The following ATG10 variants were observed in gnomAD, a reference collection of about 807,000 sequenced individuals.
ATG10 encodes the protein ubiquitin-like-conjugating enzyme ATG10.
Under a neutral mutation model 32.1 loss-of-function variants are expected in ATG10, and 30 were observed. The ratio of observed to expected loss-of-function variants is 0.94; its 90% CI spans 0.70 to 1.27. The LOEUF (loss-of-function observed/expected upper bound fraction) is 1.27. ATG10 is among the 50% of genes most tolerant of loss of function. The pLI, the probability that ATG10 is intolerant of heterozygous loss-of-function variation, is 0.00. For synonymous variants in ATG10, 87 were observed against 91.5 expected, an observed-to-expected ratio of 0.95 and a Z score of 0.28; for missense variants, 233 against 262.3, an observed-to-expected ratio of 0.89 and a Z score of 0.77.
chr5:82,209,656 A>G (rs1745424476), intron 5 of ATG10, among the ~76,000 whole-genome samples: 2 of 152,200 alleles, frequency 1.3e-5, no homozygotes, highest in Non-Finnish European at 2.9e-5. Context: ...ATGTGTCTGC[A>G]TATTATGTAG....
intron 5 of ATG10, among the ~76,000 whole-genome samples, chr5:82,226,823 T>A (rs1746152332): frequency 6.6e-6 from 1 of 152,204 alleles, no homozygotes; most frequent in Admixed American, 6.5e-5. Context: ...TATAAACTTA[T>A]GACGCAGATT....
intron 3 of ATG10, among the ~76,000 whole-genome samples, chr5:82,127,959 G>A (rs550325102): frequency 2.0e-5 from 3 of 152,062 alleles, no homozygotes; most frequent in Non-Finnish European, 4.4e-5. Flanking sequence ...ATGAATCTAG[G>A]TGGTCCTGTA....
intron 5 of ATG10, among the ~76,000 whole-genome samples, chr5:82,223,318 A>G (rs1466606713): frequency 6.6e-6 from 1 of 152,256 alleles, no homozygotes; most frequent in African/African-American, 2.4e-5. Flanking sequence ...AAACAATCTT[A>G]TTACATATTG....
intron 2 of ATG10, among the ~76,000 whole-genome samples, chr5:82,016,809 C>T (rs999432196): frequency 6.6e-5 from 10 of 152,054 alleles, no homozygotes; most frequent in African/African-American, 2.4e-4. Context: ...CTGCCTCAGC[C>T]TCCCAAGTAG....
At chr5:82,025,617 C>G (rs894985735) in intron 2 of ATG10, among the ~76,000 whole-genome samples, 1 of 152,132 alleles carries the variant, frequency 6.6e-6, no homozygotes, top group African/African-American at 2.4e-5. Flanking sequence ...CACAAATAGG[C>G]TATAGGTGGA....
rs779151397 is a variant in ATG10, at chr5:81,987,565, T to G, written c.-6T>G. The stretch of plus-strand genomic sequence containing the variant: ...CTTAGTTTTTGTATTGCAGTTATCA[T>G]TTAACATGGAAGAAGATGAGTTCAT... On this transcript the variant is annotated 5_prime_UTR_variant, in exon 2 of 8. Transcript: ENST00000282185. 1 of 1,589,308 alleles carries G rather than the reference T, an allele frequency of 6.3e-7. No individual in the cohort carries two copies. The highest frequency in any genetic ancestry group is 8.6e-7 in the Non-Finnish European group (1 of 1,163,174).
At chr5:81,989,637 C>T (rs1179289460) in intron 2 of ATG10, among the ~76,000 whole-genome samples, 4 of 151,102 alleles carry the variant, frequency 2.6e-5, no homozygotes, top group South Asian at 2.1e-4. Context: ...CTCGCTCTGT[C>T]GCCCAGGCTG....
At chr5:82,164,356 T>A in intron 3 of ATG10, 43 bp from the exon 4 acceptor site, 1 of 1,593,236 alleles carries the variant, frequency 6.3e-7, no homozygotes, top group Middle Eastern at 1.7e-4. Flanking sequence ...AGTACTTTTC[T>A]TATTAAGAAA....
intron 3 of ATG10, among the ~76,000 whole-genome samples, chr5:82,095,242 G>T (rs947730507): frequency 6.6e-6 from 1 of 152,104 alleles, no homozygotes; most frequent in African/African-American, 2.4e-5. Flanking sequence ...CTGAGTCTGA[G>T]CCCTCACTTT....
intron 2 of ATG10, among the ~76,000 whole-genome samples, chr5:82,029,452 C>G (rs911910650): frequency 6.6e-6 from 1 of 152,116 alleles, no homozygotes; most frequent in Non-Finnish European, 1.5e-5. Context: ...AAACATTGGA[C>G]TGAATCATAT....
At chr5:82,155,271 G>A (rs537909431) in intron 3 of ATG10, among the ~76,000 whole-genome samples, 4 of 152,254 alleles carry the variant, frequency 2.6e-5, no homozygotes, top group African/African-American at 7.2e-5. Context: ...CCTTGGAAAT[G>A]TAATGTAACA....
intron 5 of ATG10, among the ~76,000 whole-genome samples, chr5:82,209,491 A>G (rs1431529263): frequency 1.3e-5 from 2 of 152,186 alleles, no homozygotes; most frequent in Non-Finnish European, 2.9e-5. Flanking sequence ...ATGGCCATCT[A>G]TGAACCAGGA....
At chr5:82,189,321 CT>C (rs2149942290) in intron 5 of ATG10, among the ~76,000 whole-genome samples, 1 of 152,288 alleles carries the variant, frequency 6.6e-6, no homozygotes, top group African/African-American at 2.4e-5. Context: ...AAATACATTG[CT>C]TTCATTCTGT....
chr5:82,130,613 CT>C (rs150991749), intron 3 of ATG10, among the ~76,000 whole-genome samples: 3,661 of 152,158 alleles, frequency 0.024, 149 homozygotes, highest in African/African-American at 0.083. Flanking sequence ...TCCCCGACCC[CT>C]TGTGCTTTCC....
At chr5:82,152,291 G>C (rs1027362178) in intron 3 of ATG10, among the ~76,000 whole-genome samples, 1 of 152,182 alleles carries the variant, frequency 6.6e-6, no homozygotes, top group African/African-American at 2.4e-5. Flanking sequence ...TGCCGCCCCA[G>C]GACTACTGAG....
At chr5:82,034,732 C>T (rs987011203) in intron 2 of ATG10, among the ~76,000 whole-genome samples, 2 of 152,064 alleles carry the variant, frequency 1.3e-5, no homozygotes, top group Non-Finnish European at 2.9e-5. Flanking sequence ...TTCCTGTTCC[C>T]ACTATCTGTT....
At chr5:82,011,838 C>T (rs1762135568) in intron 2 of ATG10, among the ~76,000 whole-genome samples, 1 of 152,134 alleles carries the variant, frequency 6.6e-6, no homozygotes, top group South Asian at 2.1e-4. Flanking sequence ...CCTTAGCTTC[C>T]CCTACACATG....
intron 3 of ATG10, among the ~76,000 whole-genome samples, chr5:82,094,639 A>G (rs552986896): frequency 3.3e-4 from 50 of 152,280 alleles, no homozygotes; most frequent in African/African-American, 1.1e-3. Context: ...GTGTTTAAAA[A>G]GTAGAATTAT....
intron 4 of ATG10, among the ~76,000 whole-genome samples, chr5:82,171,241 T>C (rs1043078660): frequency 6.6e-6 from 1 of 152,236 alleles, no homozygotes; most frequent in African/African-American, 2.4e-5. Flanking sequence ...CAGTTTAAGA[T>C]GATTCATAAT....
Sources: gnomAD v4.1 joint callset for allele counts (sites outside exome capture counted in the v4.1 genomes callset) on GRCh38, gnomAD v4.1.1 for gene constraint, MANE v1.5 for transcripts, NCBI Gene and HGNC (gene_info 2026-07-23, HGNC 2026-07-21) for gene names.